Variants in SYNE2 observed in about 807,000 individuals in gnomAD.
The protein encoded by SYNE2 is spectrin repeat containing nuclear envelope protein 2, also known as nesprin-2.
Under a neutral mutation model 856.3 loss-of-function variants are expected in SYNE2, and 431 were observed. That is an observed-to-expected ratio of 0.50 (90% confidence interval 0.47 to 0.55). The LOEUF (loss-of-function observed/expected upper bound fraction) is 0.55, where lower values mean the gene tolerates loss of function less well. Among genes scored for constraint, SYNE2 ranks in the 20% least tolerant of loss-of-function variants. The pLI is 0.00. For synonymous variants in SYNE2, 2,923 were observed against 2,872.3 expected (o/e 1.02, Z -0.56); for missense variants, 8,129 against 8,023.2 (o/e 1.01, Z -0.50).
At chr14:63,883,909 T>C (rs1311139008) in intron 1 of SYNE2, among the ~76,000 whole-genome samples, 3 of 143,988 alleles carry the variant, frequency 2.1e-5, no homozygotes, top group African/African-American at 7.7e-5. Flanking sequence ...GTTGGGGAAG[T>C]GTGAACTCCT....
At position 63,990,521 on chromosome 14, in the gene SYNE2, C is replaced by T; in HGVS notation, c.2424C>T (p.Leu808=). Residue 808 remains leucine (L), a synonymous_variant, in exon 20 of 116, where the codon CTC becomes CTT. Transcript: ENST00000555002. ...GCCAGGAGTCCTTTCAACATGTTCTCACAACTGGGCTTCAGGCAAAGATTC... is the reference window on the plus strand; with the variant it reads ...GCCAGGAGTCCTTTCAACATGTTCTTACAACTGGGCTTCAGGCAAAGATTC... The part of the protein sequence containing the change: ...ISSQESFQHV[L]TTGLQAKIQE... 6 of 1,613,862 alleles carry T rather than the reference C, an allele frequency of 3.7e-6. No individual in the cohort carries two copies. The highest frequency in any genetic ancestry group is 2.2e-5 in the East Asian group (1 of 44,852).
At chr14:63,899,512 G>GT (rs113457866) in intron 1 of SYNE2, among the ~76,000 whole-genome samples, 6,717 of 149,772 alleles carry the variant, frequency 0.045, 516 homozygotes, top group African/African-American at 0.16. Flanking sequence ...CTGTTTGTTA[G>GT]TTTTTTTGAG....
intron 1 of SYNE2, among the ~76,000 whole-genome samples, chr14:63,840,364 G>A (rs1177743327): frequency 6.6e-6 from 1 of 151,758 alleles, no homozygotes; most frequent in Non-Finnish European, 1.5e-5. Flanking sequence ...GGTCATTCAG[G>A]GAACCCAGTT....
At chr14:63,844,353 A>G (rs1890164009) in intron 1 of SYNE2, among the ~76,000 whole-genome samples, 1 of 152,130 alleles carries the variant, frequency 6.6e-6, no homozygotes, top group Non-Finnish European at 1.5e-5. Flanking sequence ...TTGGTAGCTC[A>G]TTTCTTTTTA....
At chr14:64,187,446 C>T (rs1157654287) in intron 97 of SYNE2, among the ~76,000 whole-genome samples, 2 of 152,102 alleles carry the variant, frequency 1.3e-5, no homozygotes, top group Non-Finnish European at 2.9e-5. Flanking sequence ...GACAGGAAGA[C>T]TGGGGCCCAG....
chr14:63,944,793 A>G (rs12894640), intron 6 of SYNE2, among the ~76,000 whole-genome samples: 1 of 137,366 alleles, frequency 7.3e-6, no homozygotes, highest in Non-Finnish European at 1.5e-5. Flanking sequence ...TGCTGGGATT[A>G]CAGGCGTGAG....
intron 1 of SYNE2, among the ~76,000 whole-genome samples, chr14:63,880,509 T>G (rs1003917432): frequency 2.0e-5 from 3 of 152,208 alleles, no homozygotes; most frequent in Non-Finnish European, 4.4e-5. Flanking sequence ...GAATTCTATG[T>G]TATATCAACT....
intron 1 of SYNE2, among the ~76,000 whole-genome samples, chr14:63,846,041 C>A (rs1363658391): frequency 8.1e-6 from 1 of 123,592 alleles, no homozygotes; most frequent in Non-Finnish European, 1.8e-5. Flanking sequence ...ACCGTACCTG[C>A]CCTTTTTTTT....
At chr14:63,861,607 A>G (rs371919568) in intron 1 of SYNE2, among the ~76,000 whole-genome samples, 1 of 125,158 alleles carries the variant, frequency 8.0e-6, no homozygotes, top group Admixed American at 8.6e-5. Context: ...CCTGGGCAAC[A>G]TAGTGAGACC....
chr14:63,872,761 C>CAAAAAAAAAAA (rs36125169), intron 1 of SYNE2, among the ~76,000 whole-genome samples: 1 of 87,770 alleles, frequency 1.1e-5, no homozygotes, highest in Admixed American at 1.4e-4. Context: ...GACTCTGCCT[C>CAAAAAAAAAAA]AAAAAAAAAA....
At chr14:64,028,755 A>T (rs112909018) in intron 43 of SYNE2, among the ~76,000 whole-genome samples, 5 of 152,280 alleles carry the variant, frequency 3.3e-5, no homozygotes, top group Admixed American at 1.3e-4. Flanking sequence ...TCCATCATCT[A>T]TTGTTAGTAG....
intron 1 of SYNE2, among the ~76,000 whole-genome samples, chr14:63,799,162 T>C (rs1595120372): frequency 6.6e-6 from 1 of 152,144 alleles, no homozygotes; most frequent in Non-Finnish European, 1.5e-5. Flanking sequence ...CACTGCAACC[T>C]CCACCTCCCG....
intron 1 of SYNE2, among the ~76,000 whole-genome samples, chr14:63,871,918 A>G (rs1183366462): frequency 1.3e-5 from 2 of 152,190 alleles, no homozygotes; most frequent in Non-Finnish European, 2.9e-5. Flanking sequence ...CAGAAATAAA[A>G]TATTGCTAAT....
chr14:64,165,851 A>G (rs2098374636), intron 90 of SYNE2, among the ~76,000 whole-genome samples: 1 of 152,094 alleles, frequency 6.6e-6, no homozygotes, highest in Admixed American at 6.6e-5. Context: ...TATGCCATTC[A>G]TTACTGTCCT....
intron 65 of SYNE2, among the ~76,000 whole-genome samples, chr14:64,112,321 T>C (rs2097816927): frequency 6.6e-6 from 1 of 152,228 alleles, no homozygotes; most frequent in Non-Finnish European, 1.5e-5. Context: ...ATAGAAAACA[T>C]TGTATTTTAT....
intron 10 of SYNE2, among the ~76,000 whole-genome samples, chr14:63,964,321 A>G (rs1445507665): frequency 6.6e-6 from 1 of 152,160 alleles, no homozygotes; most frequent in Non-Finnish European, 1.5e-5. Flanking sequence ...GGGTTGGCCC[A>G]TTTTGTAAAT....
chr14:64,208,844 C>G lies in SYNE2; in HGVS notation c.18288C>G (p.Ala6096=), dbSNP rs1390026601. Residue 6096 remains alanine, a synonymous_variant, in exon 101 of 116, where the codon GCC becomes GCG. Coordinates refer to ENST00000555002, the MANE Select transcript of SYNE2 (RefSeq NM_182914.3). ...ACGTCCTACTGCACGACTCCGATGC[C>G]TGTGCAAATGAGACCGAGTGTGACT... ...ICDVLLHDSD[A]CANETECDSI... 6.2e-7 allele frequency: 1 copy of G among 1,614,236 alleles called. No homozygotes were observed. Among genetic ancestry groups the G allele is most frequent in the Non-Finnish European group, 8.5e-7 (1 of 1,180,036 alleles).
chr14:64,208,980 G>A (rs1258300611), intron 101 of SYNE2, 35 bp downstream of exon 101: 2 of 1,605,302 alleles, frequency 1.2e-6, no homozygotes, highest in Non-Finnish European at 1.7e-6. Flanking sequence ...CCTTCAGCGT[G>A]GTCAGCCGAA....
chr14:63,889,046 C>CAAAAAAAAA (rs200729691), intron 1 of SYNE2, among the ~76,000 whole-genome samples: 1 of 108,642 alleles, frequency 9.2e-6, no homozygotes, highest in African/African-American at 3.5e-5. Context: ...TACTAAAATA[C>CAAAAAAAAA]AAAAAAAAAA....
Sources: allele counts gnomAD v4.1 joint callset (sites outside exome capture counted in the v4.1 genomes callset), GRCh38; gene constraint gnomAD v4.1.1; transcripts MANE v1.5; gene names NCBI Gene and HGNC (gene_info 2026-07-23, HGNC 2026-07-21).